DNAH8: variants seen among roughly 807,000 people sequenced by gnomAD.
The protein encoded by DNAH8 is axonemal beta dynein heavy chain 8.
In DNAH8, 382 loss-of-function variants were observed where a neutral mutation model predicts 562.1. That is an observed-to-expected ratio of 0.68 (90% CI 0.63 to 0.74). The LOEUF (loss-of-function observed/expected upper bound fraction) is 0.74. DNAH8 is among the 30% of genes least tolerant of loss of function. DNAH8 has a pLI of 0.00. For missense variants in DNAH8, 5,203 were observed against 5,620.4 expected, an observed-to-expected ratio of 0.93 and a Z score of 2.37; for synonymous variants, 1,881 against 1,919.4, an observed-to-expected ratio of 0.98 and a Z score of 0.52.
intron 45 of DNAH8, 88 bp downstream of exon 45, chr6:38,864,148 C>A: frequency 1.7e-6 from 2 of 1,209,990 alleles, no homozygotes; most frequent in Non-Finnish European, 2.3e-6. Flanking sequence ...GGTAGATGAC[C>A]AACTATCCAG....
At chr6:38,720,881 A>G (rs1762698280) in intron 1 of DNAH8, among the ~76,000 whole-genome samples, 1 of 152,088 alleles carries the variant, frequency 6.6e-6, no homozygotes, top group African/African-American at 2.4e-5. Flanking sequence ...AGAGAAGGTT[A>G]ACAAAGAGAT....
At chr6:38,942,704 T>C (rs1783558374) in intron 79 of DNAH8, among the ~76,000 whole-genome samples, 1 of 152,108 alleles carries the variant, frequency 6.6e-6, no homozygotes, top group African/African-American at 2.4e-5. Flanking sequence ...CCCCAACAGA[T>C]AGCATTTGTC....
chr6:38,815,512 T>A lies in DNAH8; in HGVS notation c.3378T>A (p.Arg1126=). ...SLDDIQQAIN[R]MIQLTLEVSR... ...ATGACATTCAACAAGCCATTAACCG[T>A]ATGATCCAGTTAACCCTGGAGGTCA... The change falls in exon 26 of 93, where the codon CGT becomes CGA. Residue 1126 remains arginine, a synonymous_variant. Coordinates refer to ENST00000327475, the MANE Select transcript of DNAH8 (RefSeq NM_001206927.2). The A allele has an allele frequency of 6.2e-7, 1 of 1,613,996 alleles. No homozygotes were observed. Among genetic ancestry groups the A allele is most frequent in the East Asian group, 2.2e-5 (1 of 44,866 alleles).
At chr6:39,014,887 A>C (rs1214780328) in intron 91 of DNAH8, among the ~76,000 whole-genome samples, 1 of 152,122 alleles carries the variant, frequency 6.6e-6, no homozygotes, top group Non-Finnish European at 1.5e-5. Flanking sequence ...AGGGACTGGA[A>C]TATGGAGGCC....
At chr6:38,908,511 T>C (rs1780651918) in intron 64 of DNAH8, among the ~76,000 whole-genome samples, 1 of 152,194 alleles carries the variant, frequency 6.6e-6, no homozygotes, top group Admixed American at 6.5e-5. Flanking sequence ...ATTAGGCATA[T>C]ATGGCTACTT....
At chr6:38,813,931 C>A in intron 24 of DNAH8, 123 bp from the exon 25 acceptor site, 1 of 744,180 alleles carries the variant, frequency 1.3e-6, no homozygotes, top group Non-Finnish European at 2.4e-6. Flanking sequence ...AAGTAATATT[C>A]TCTTTGTGTA....
intron 11 of DNAH8, among the ~76,000 whole-genome samples, chr6:38,769,119 G>A (rs1767310063): frequency 6.6e-6 from 1 of 152,160 alleles, no homozygotes; most frequent in African/African-American, 2.4e-5. Context: ...AACTTTCAGT[G>A]TATACTTTTT....
intron 91 of DNAH8, among the ~76,000 whole-genome samples, chr6:39,015,482 C>T (rs763723824): frequency 4.6e-5 from 7 of 152,132 alleles, no homozygotes; most frequent in Admixed American, 1.3e-4. Context: ...ATGCTGCTTT[C>T]GTGATAGTGA....
intron 92 of DNAH8, among the ~76,000 whole-genome samples, chr6:39,027,739 T>G (rs1298428939): frequency 6.6e-6 from 1 of 152,068 alleles, no homozygotes; most frequent in South Asian, 2.1e-4. Context: ...GGTGGGAAGA[T>G]TGCTTGAATA....
At chr6:38,813,907 T>G in intron 24 of DNAH8, 147 bp from the exon 25 acceptor site, 1 of 666,062 alleles carries the variant, frequency 1.5e-6, no homozygotes, top group Non-Finnish European at 2.7e-6. Context: ...CTCTGCAATT[T>G]AGGGTTCTGT....
At chr6:38,897,500 A>G (rs924283385) in intron 60 of DNAH8, among the ~76,000 whole-genome samples, 2 of 152,268 alleles carry the variant, frequency 1.3e-5, no homozygotes, top group African/African-American at 2.4e-5. Context: ...AATTAACATG[A>G]TAAAACTTTA....
intron 88 of DNAH8, 121 bp from the exon 89 acceptor site, chr6:39,008,693 C>CTTCT (rs1554162474): frequency 3.0e-5 from 11 of 369,146 alleles, no homozygotes; most frequent in African/African-American, 2.0e-4. Context: ...AACTTTTCTT[C>CTTCT]TTTTTTTTTT....
chr6:38,880,462 T>G (rs4391252), intron 53 of DNAH8, among the ~76,000 whole-genome samples: 65,538 of 151,894 alleles, frequency 0.43, 15,084 homozygotes, highest in East Asian at 0.84. Context: ...GGGAAAAATC[T>G]CTTTTGCTGT....
chr6:38,846,904 T>C (rs904088158), intron 36 of DNAH8, among the ~76,000 whole-genome samples: 1 of 152,188 alleles, frequency 6.6e-6, no homozygotes, highest in Non-Finnish European at 1.5e-5. Context: ...TTTACAAACT[T>C]CTAGGCCCTG....
intron 67 of DNAH8, among the ~76,000 whole-genome samples, chr6:38,914,186 C>G (rs1353994824): frequency 1.3e-5 from 2 of 151,966 alleles, no homozygotes; most frequent in Non-Finnish European, 2.9e-5. Context: ...CTGTCTGTCT[C>G]TCTTGTTCTT....
chr6:38,750,525 A>G lies in DNAH8; in HGVS notation c.1343A>G (p.Lys448Arg). Residue 448 changes from lysine to arginine, a missense_variant, in exon 9 of 93, where the codon AAA becomes AGA. Lys to Arg is a conservative substitution (Grantham distance 26). This residue lies in a region of DNAH8 where 2,176 missense variants were observed against 2,365.1 expected (regional missense o/e 0.92). Transcript: ENST00000327475. ...ARITDTANES[K>R]DNVRYLYTLE... ...ATCACTGATACAGCAAATGAATCCA[A>G]AGATAATGTCAGATATTTGTATACT... The G allele has an allele frequency of 6.2e-7, 1 of 1,612,616 alleles. No individual in the cohort carries two copies. Among genetic ancestry groups the G allele is most frequent in the South Asian group, 1.1e-5 (1 of 90,746 alleles).
intron 22 of DNAH8, among the ~76,000 whole-genome samples, chr6:38,804,808 G>A (rs1004686824): frequency 1.3e-5 from 2 of 149,980 alleles, no homozygotes; most frequent in Non-Finnish European, 2.9e-5. Flanking sequence ...AACTGTGCCT[G>A]GAACAGTGGT....
chr6:38,818,537 C>CAAAAAAAAAAAAGAAAAAAAAAAAA (rs775835573), intron 26 of DNAH8, among the ~76,000 whole-genome samples: 1 of 75,886 alleles, frequency 1.3e-5, no homozygotes, highest in African/African-American at 6.2e-5. Flanking sequence ...AAAGCAAAAG[C>CAAAAAAAAAAAAGAAAAAAAAAAAA]AAAAAAAAAA....
intron 1 of DNAH8, among the ~76,000 whole-genome samples, chr6:38,720,796 C>T (rs6927413): frequency 0.47 from 71,997 of 151,720 alleles, 17,825 homozygotes; most frequent in Non-Finnish European, 0.55. Flanking sequence ...AACCCTCTCA[C>T]CAAGAATTCA....
Sources: allele counts gnomAD v4.1 joint callset (sites outside exome capture counted in the v4.1 genomes callset), GRCh38; gene constraint gnomAD v4.1.1; regional missense constraint gnomAD v4.1.1; transcripts MANE v1.5; gene names NCBI Gene and HGNC (gene_info 2026-07-23, HGNC 2026-07-21).